Variants in ACTR3C observed in about 807,000 individuals in gnomAD.
The protein encoded by ACTR3C is actin related protein 3C.
In ACTR3C, 18 loss-of-function variants were observed where a neutral mutation model predicts 26.3. The observed-to-expected ratio is 0.68, with a 90% CI of 0.47 to 1.01. The LOEUF (loss-of-function observed/expected upper bound fraction) is 1.01. ACTR3C is among the 50% of genes least tolerant of loss of function. ACTR3C has a pLI of 0.00. For missense variants in ACTR3C, 184 were observed against 250.7 expected, an observed-to-expected ratio of 0.73 and a Z score of 1.80; for synonymous variants, 55 against 94.5, an observed-to-expected ratio of 0.58 and a Z score of 2.42.
chr7:150,036,331 T>C, the ACTR3C span, among the ~76,000 whole-genome samples: 7 of 147,762 alleles, frequency 4.7e-5, 1 homozygote, highest in Non-Finnish European at 1.1e-4. Context: ...GGCCATCCTT[T>C]AGCAACCCTG....
the ACTR3C span, among the ~76,000 whole-genome samples, chr7:150,043,962 G>A: frequency 3.2e-3 from 480 of 152,264 alleles, 5 homozygotes; most frequent in South Asian, 0.034. Flanking sequence ...AAGACATAGC[G>A]GATGATGAAA....
At chr7:150,127,767 C>A in the ACTR3C span, among the ~76,000 whole-genome samples, 7 of 151,526 alleles carry the variant, frequency 4.6e-5, no homozygotes, top group Non-Finnish European at 8.8e-5. Flanking sequence ...CCTCTATGAA[C>A]TAATTCAAAC....
the ACTR3C span, among the ~76,000 whole-genome samples, chr7:150,116,455 GA>G: frequency 6.6e-6 from 1 of 152,186 alleles, no homozygotes; most frequent in Non-Finnish European, 1.5e-5. Flanking sequence ...ATGTTTCTAT[GA>G]AAAAGTTTTT....
the ACTR3C span, among the ~76,000 whole-genome samples, chr7:150,038,763 A>G: frequency 0.011 from 1,514 of 134,538 alleles, 135 homozygotes; most frequent in East Asian, 0.028. Context: ...CTAAGCCAGG[A>G]GGGGAAGAGG....
chr7:150,070,560 C>G, the ACTR3C span, among the ~76,000 whole-genome samples: 2 of 152,180 alleles, frequency 1.3e-5, no homozygotes, highest in African/African-American at 2.4e-5. Flanking sequence ...GAGTGATCCT[C>G]CCACTGCAAT....
the ACTR3C span, among the ~76,000 whole-genome samples, chr7:150,219,417 T>C: frequency 1.4e-5 from 2 of 146,916 alleles, no homozygotes; most frequent in Non-Finnish European, 2.9e-5. Flanking sequence ...TTCGAAAATA[T>C]TTTAAAGTTC....
intron 6 of ACTR3C, among the ~76,000 whole-genome samples, chr7:150,266,334 G>A (rs1038435064): frequency 2.1e-4 from 31 of 148,982 alleles, no homozygotes; most frequent in African/African-American, 7.7e-4. Flanking sequence ...GGAAATAACA[G>A]TCTTCTTCAA....
chr7:150,316,675 G>A (rs565052613), intron 1 of ACTR3C, among the ~76,000 whole-genome samples: 2 of 152,028 alleles, frequency 1.3e-5, no homozygotes, highest in East Asian at 1.9e-4. Flanking sequence ...TAGTAGAGAC[G>A]GGGTTTCACC....
the ACTR3C span, among the ~76,000 whole-genome samples, chr7:150,039,230 A>C: frequency 1.5e-4 from 22 of 143,488 alleles, no homozygotes; most frequent in Middle Eastern, 3.9e-3. Context: ...CCTAAGAGCC[A>C]GTGGGGGAAC....
At chr7:150,206,147 C>CT in the ACTR3C span, among the ~76,000 whole-genome samples, 1 of 152,324 alleles carries the variant, frequency 6.6e-6, no homozygotes, top group African/African-American at 2.4e-5. Context: ...CTGCTCTCCG[C>CT]TTTCTCTTCT....
the ACTR3C span, among the ~76,000 whole-genome samples, chr7:150,111,704 C>T: frequency 7.6e-6 from 1 of 131,866 alleles, no homozygotes; most frequent in Non-Finnish European, 1.6e-5. Context: ...CCTCCGCCCA[C>T]AAGCCCCGCC....
the ACTR3C span, among the ~76,000 whole-genome samples, chr7:150,138,789 C>G: frequency 6.6e-6 from 1 of 152,298 alleles, no homozygotes; most frequent in African/African-American, 2.4e-5. Flanking sequence ...TCTGTACTTA[C>G]AGCCGCTCCC....
the ACTR3C span, among the ~76,000 whole-genome samples, chr7:149,942,897 A>G: frequency 6.6e-6 from 1 of 151,610 alleles, no homozygotes; most frequent in Non-Finnish European, 1.5e-5. Context: ...ATGGGAATTG[A>G]AGGAACAATT....
intron 6 of ACTR3C, among the ~76,000 whole-genome samples, chr7:150,277,686 C>T (rs572731239): frequency 6.6e-6 from 1 of 152,100 alleles, no homozygotes; most frequent in Non-Finnish European, 1.5e-5. Context: ...AGCAAGAACC[C>T]TGAACCTTTT....
chr7:150,318,377 C>G (rs1051252592), intron 1 of ACTR3C, among the ~76,000 whole-genome samples: 1 of 152,162 alleles, frequency 6.6e-6, no homozygotes, highest in Non-Finnish European at 1.5e-5. Context: ...CCTCCAGAAC[C>G]GTGAGACAAT....
chr7:150,119,894 A>G, the ACTR3C span, among the ~76,000 whole-genome samples: 1 of 152,380 alleles, frequency 6.6e-6, no homozygotes, highest in East Asian at 1.9e-4. Flanking sequence ...CTCTCAGACC[A>G]TGGCACAATC....
At chr7:150,152,293 T>A in the ACTR3C span, among the ~76,000 whole-genome samples, 1 of 152,098 alleles carries the variant, frequency 6.6e-6, no homozygotes, top group African/African-American at 2.4e-5. Flanking sequence ...AGATAGCTCT[T>A]ATTATTTTGA....
At chr7:150,013,773 G>T in the ACTR3C span, among the ~76,000 whole-genome samples, 1 of 152,202 alleles carries the variant, frequency 6.6e-6, no homozygotes. Context: ...TTTGAGCTGT[G>T]GCTTAGGGTA....
the ACTR3C span, among the ~76,000 whole-genome samples, chr7:150,038,986 G>A: frequency 2.1e-5 from 2 of 95,938 alleles, 1 homozygote; most frequent in African/African-American, 8.0e-5. Context: ...CCTGCGATCG[G>A]GGTCCTCAGA....
Sources: allele counts gnomAD v4.1 joint callset (sites outside exome capture counted in the v4.1 genomes callset), GRCh38; gene constraint gnomAD v4.1.1; transcripts MANE v1.5; gene names NCBI Gene and HGNC (gene_info 2026-07-23, HGNC 2026-07-21).